Variants in ADA2 observed in about 807,000 individuals in gnomAD.
The protein encoded by ADA2 is adenosine deaminase 2.
A neutral mutation model predicts 44.2 loss-of-function variants in ADA2; 29 were observed. The ratio of observed to expected loss-of-function variants is 0.66; its 90% CI spans 0.49 to 0.89. ADA2 has a LOEUF of 0.89. Among genes scored for constraint, ADA2 ranks in the 40% least tolerant of loss-of-function variants. The pLI is 0.00. For synonymous variants in ADA2, 215 were observed against 234.9 expected, an observed-to-expected ratio of 0.92 and a Z score of 0.77; for missense variants, 637 against 644.8, an observed-to-expected ratio of 0.99 and a Z score of 0.13.
intron 4 of ADA2, among the ~76,000 whole-genome samples, chr22:17,195,135 C>T (rs2062173788): frequency 6.6e-6 from 1 of 152,162 alleles, no homozygotes; most frequent in Non-Finnish European, 1.5e-5. Context: ...CAATTTATTA[C>T]CAGTTGTTAA....
intron 1 of ADA2, among the ~76,000 whole-genome samples, chr22:17,214,549 C>G (rs548640874): frequency 1.3e-5 from 2 of 152,316 alleles, no homozygotes; most frequent in East Asian, 3.9e-4. Flanking sequence ...GGAGCTAATG[C>G]CAGGGTGGCC....
chr22:17,207,349 G>C, intron 2 of ADA2, 59 bp from the exon 3 acceptor site: 3 of 1,286,564 alleles, frequency 2.3e-6, no homozygotes, highest in Non-Finnish European at 3.3e-6. Flanking sequence ...CAGGACTCCA[G>C]GGCTTGGGGA....
upstream of ADA2, among the ~76,000 whole-genome samples, chr22:17,221,185 G>A (rs185976345): frequency 1.2e-3 from 179 of 151,894 alleles, no homozygotes; most frequent in Non-Finnish European, 2.2e-3. Flanking sequence ...TTGAAAGTTA[G>A]AGGAAGCAGA....
At chr22:17,192,228 G>A (rs748876219) in intron 4 of ADA2, among the ~76,000 whole-genome samples, 10 of 152,066 alleles carry the variant, frequency 6.6e-5, no homozygotes, top group Non-Finnish European at 1.3e-4. Context: ...TGATGCTGAT[G>A]CCCACCTGTC....
intron 4 of ADA2, chr22:17,193,451 G>A (rs542857261): frequency 3.9e-5 from 14 of 357,182 alleles, no homozygotes; most frequent in African/African-American, 1.1e-4. Flanking sequence ...TGGATCACGA[G>A]GTCATGAGTT....
In ADA2 at chr22:17,181,420, C is replaced by T. The variant is rs1601419636; in HGVS notation, c.*63G>A. 1.2e-5 allele frequency: 13 copies of T among 1,088,456 alleles called. No individual in the cohort carries two copies. Among genetic ancestry groups the T allele is most frequent in the South Asian group, 6.3e-5 (5 of 79,880 alleles). 67.4% of individuals were successfully genotyped at this position (1,088,456 alleles called of 1,614,324 possible). ...TGGGCACATGGAGCTGATTCAAGAACGAGTGAGAGGAAGTGACAGCGTGTG... is the reference window on the plus strand; with the variant it reads ...TGGGCACATGGAGCTGATTCAAGAATGAGTGAGAGGAAGTGACAGCGTGTG... On this transcript the variant is annotated 3_prime_UTR_variant, in exon 10 of 10. Transcript: ENST00000399837.
At chr22:17,187,179 A>AT (rs1335311386) in intron 7 of ADA2, among the ~76,000 whole-genome samples, 1 of 151,574 alleles carries the variant, frequency 6.6e-6, no homozygotes, top group Non-Finnish European at 1.5e-5. Context: ...AAAAAAAAAA[A>AT]AAAAATTTGT....
chr22:17,182,857 C>G, intron 7 of ADA2, 96 bp from the exon 8 acceptor site: 6 of 1,271,160 alleles, frequency 4.7e-6, no homozygotes, highest in Non-Finnish European at 5.5e-6. Flanking sequence ...CGACCATCCT[C>G]AAATAAACAG....
upstream of ADA2, chr22:17,219,695 A>T: frequency 1.1e-5 from 1 of 94,948 alleles, no homozygotes. Context: ...TTTTTTGTAG[A>T]CAGAGTTTCA....
intron 4 of ADA2, chr22:17,193,449 G>A (rs1195538949): frequency 5.6e-6 from 2 of 356,632 alleles, no homozygotes; most frequent in Non-Finnish European, 1.0e-5. Context: ...GGTGGATCAC[G>A]AGGTCATGAG....
intron 7 of ADA2, among the ~76,000 whole-genome samples, chr22:17,185,416 AAAAAT>A (rs141255135): frequency 1.4e-4 from 21 of 148,806 alleles, no homozygotes; most frequent in Admixed American, 8.0e-4. Flanking sequence ...CTCCGTCTCA[AAAAAT>A]AAAATAAAAT....
chr22:17,188,335 TCA>T lies in ADA2; in HGVS notation c.1081+2_1081+3del. ...CTGCCTCTGCTCGCATCCCGCAGGC[TCA>T]CCTGTTTCTCCGGCGTGGAAGAAGT... On this transcript the variant is annotated splice_donor_variant and splice_donor_region_variant and intron_variant, in intron 7 of 9. Coordinates refer to ENST00000399837, the MANE Select transcript of ADA2 (RefSeq NM_001282225.2). LOFTEE classifies it high-confidence loss of function. 1 of 1,609,236 alleles carries T rather than the reference TCA, an allele frequency of 6.2e-7. No homozygotes were observed. Among genetic ancestry groups the T allele is most frequent in the Non-Finnish European group, 8.5e-7 (1 of 1,175,636 alleles).
chr22:17,202,714 C>A (rs1160548382), intron 4 of ADA2, among the ~76,000 whole-genome samples: 2 of 152,120 alleles, frequency 1.3e-5, no homozygotes, highest in Non-Finnish European at 1.5e-5. Flanking sequence ...CTTTAATCAG[C>A]CAAACCTGGC....
chr22:17,206,977 A>T, intron 3 of ADA2, 94 bp downstream of exon 3: 2 of 950,134 alleles, frequency 2.1e-6, no homozygotes, highest in Non-Finnish European at 3.3e-6. Flanking sequence ...TATTAAAGCC[A>T]GATTTTTATC....
chr22:17,182,204 T>C (rs2061979346), intron 8 of ADA2, among the ~76,000 whole-genome samples, 182 bp from the exon 9 acceptor site: 1 of 152,092 alleles, frequency 6.6e-6, no homozygotes, highest in African/African-American at 2.4e-5. Flanking sequence ...GTCCTTATGC[T>C]CCTCCTCATG....
intron 7 of ADA2, among the ~76,000 whole-genome samples, chr22:17,188,019 T>G (rs1159346718): frequency 2.0e-5 from 3 of 150,830 alleles, no homozygotes; most frequent in Non-Finnish European, 2.9e-5. Flanking sequence ...CAGGAGACTC[T>G]CTTGAACCTG....
intron 1 of ADA2, among the ~76,000 whole-genome samples, 175 bp downstream of exon 1, chr22:17,219,181 T>C (rs1360744395): frequency 6.6e-6 from 1 of 152,210 alleles, no homozygotes; most frequent in Non-Finnish European, 1.5e-5. Context: ...GTAAATGCCC[T>C]TGGGCCCATT....
intron 1 of ADA2, among the ~76,000 whole-genome samples, chr22:17,212,960 T>TTC (rs1012922713): frequency 2.7e-5 from 4 of 150,612 alleles, no homozygotes; most frequent in Admixed American, 2.6e-4. Context: ...CAGCTAATTT[T>TTC]TTTTTTTTCT....
intron 4 of ADA2, chr22:17,199,612 T>G: frequency 6.2e-7 from 1 of 1,614,094 alleles, no homozygotes; most frequent in South Asian, 1.1e-5. Context: ...TGAAGCCAGA[T>G]GCTCTCTGGG....
Sources: allele counts gnomAD v4.1 joint callset (sites outside exome capture counted in the v4.1 genomes callset), GRCh38; gene constraint gnomAD v4.1.1; transcripts MANE v1.5; gene names NCBI Gene and HGNC (gene_info 2026-07-23, HGNC 2026-07-21).